CSTF3: variants seen among roughly 807,000 people sequenced by gnomAD.
CSTF3 encodes cleavage stimulation factor subunit 3.
In CSTF3, 29 loss-of-function variants were observed where a neutral mutation model predicts 105.8. The observed-to-expected ratio is 0.27, with a 90% CI of 0.20 to 0.37. The LOEUF (loss-of-function observed/expected upper bound fraction) is 0.37, where lower values mean the gene tolerates loss of function less well. Ranked by LOEUF, CSTF3 falls within the 10% of genes least tolerant of loss-of-function variation. The pLI is 1.00. For missense variants in CSTF3, 357 were observed against 879.3 expected (o/e 0.41, Z 7.51); for synonymous variants, 252 against 281.9 (o/e 0.89, Z 1.06).
intron 15 of CSTF3, among the ~76,000 whole-genome samples, chr11:33,093,613 ATTG>A (rs1855189825): frequency 6.6e-6 from 1 of 152,206 alleles, no homozygotes; most frequent in South Asian, 2.1e-4. Flanking sequence ...AATATGAAAA[ATTG>A]TTAAGATAGT....
At position 33,156,795 on chromosome 11, in the gene CSTF3, C is replaced by T. The variant is rs533501295; in HGVS notation, c.27+4504G>A. 6.4e-4 allele frequency: 279 copies of T among 436,706 alleles called. 2 individuals are homozygous for T. The highest frequency in any genetic ancestry group is 5.3e-3 in the African/African-American group (260 of 48,856). 27.1% of individuals were successfully genotyped at this position (436,706 alleles called of 1,614,324 possible). A position where few individuals can be genotyped will look rare whatever the true frequency, so the allele number is the denominator to read the frequency against. ...CAGCCTGGGAAACACAGTGAGACCT[C>T]GTCTCTACCTAAATAGTAAATAAAT... On this transcript the variant is annotated intron_variant, in intron 1 of 20. Coordinates refer to ENST00000323959, the MANE Select transcript of CSTF3 (RefSeq NM_001326.3).
At chr11:33,160,482 GACTT>G (rs2133814001) in intron 1 of CSTF3, among the ~76,000 whole-genome samples, 1 of 152,254 alleles carries the variant, frequency 6.6e-6, no homozygotes, top group Non-Finnish European at 1.5e-5. Flanking sequence ...AACACACCAG[GACTT>G]AGATCGAAAA....
intron 1 of CSTF3, among the ~76,000 whole-genome samples, chr11:33,153,991 G>C (rs953464198): frequency 1.3e-5 from 2 of 152,070 alleles, no homozygotes; most frequent in African/African-American, 4.8e-5. Context: ...TAAATATATG[G>C]GGGTGGGGAG....
Position 33,159,595 on chromosome 11 carries a change from CAAAA to C in CSTF3, c.27+1700_27+1703del, listed in dbSNP as rs71034656. On this transcript the variant is annotated intron_variant, in intron 1 of 20. Transcript: ENST00000323959. ...TGGGCGACAGAGCAAGGCTCCATCT[CAAAA>C]AAAAAAAAAAAAAAAAAAAAAAAAT... Among the ~76,000 whole-genome samples the C allele has an allele frequency of 5.0e-4, 19 of 37,948 alleles. No homozygotes were observed. The Admixed American group carries it at 6.4e-3, about 13-fold the overall frequency. The allele number at this position is 37,948 out of a possible 152,430, so 24.9% of individuals were successfully genotyped here.
rs1160364098 is a variant in CSTF3, at chr11:33,099,047, G to A, written c.1040C>T (p.Ala347Val). The A allele has an allele frequency of 6.4e-7, 1 of 1,571,456 alleles. No homozygotes were observed. The highest frequency in any genetic ancestry group is 8.5e-7 in the Non-Finnish European group (1 of 1,170,414). The change falls in exon 12 of 21, where the codon GCA becomes GTA. Residue 347 changes from alanine (A) to valine (V), a missense_variant. By Grantham distance (64) the Ala-to-Val change is moderately conservative (BLOSUM62 0). Transcript: ENST00000323959. This position sits in a 1 kb window ranked among gnomAD's most constrained non-coding sequence, Gnocchi z 4.1. Reference sequence around the variant, plus strand: ...ATTTTTACTTACCTCTTCATAATCTGCATATGCAAAATAAAGAAGCATATT... The same window carrying A: ...ATTTTTACTTACCTCTTCATAATCTACATATGCAAAATAAAGAAGCATATT... ...KKNMLLYFAY[A>V]DYEESRMKYE...
chr11:33,087,794 TAG>T (rs1453176657), intron 17 of CSTF3, among the ~76,000 whole-genome samples: 1 of 152,178 alleles, frequency 6.6e-6, no homozygotes, highest in Admixed American at 6.5e-5. Flanking sequence ...TAATAAGAAG[TAG>T]AGAGAGGAGG....
intron 3 of CSTF3, among the ~76,000 whole-genome samples, chr11:33,136,627 CCT>C (rs1222505747): frequency 6.6e-6 from 1 of 151,872 alleles, no homozygotes; most frequent in Admixed American, 6.6e-5. Context: ...ACCTGATTCC[CCT>C]GAGCTCAAGT....
intron 1 of CSTF3, among the ~76,000 whole-genome samples, chr11:33,151,954 C>A (rs1292407230): frequency 2.6e-5 from 4 of 152,160 alleles, no homozygotes; most frequent in Non-Finnish European, 1.5e-5. Context: ...CAAAGTAGAG[C>A]GTCTTTTCAT....
At chr11:33,140,394 T>G (rs1165711031) in intron 3 of CSTF3, among the ~76,000 whole-genome samples, 1 of 151,924 alleles carries the variant, frequency 6.6e-6, no homozygotes, top group Admixed American at 6.6e-5. Context: ...ACAATCTCTC[T>G]CATACATACA....
intron 1 of CSTF3, among the ~76,000 whole-genome samples, chr11:33,156,214 G>A (rs1440262017): frequency 2.0e-5 from 3 of 152,032 alleles, no homozygotes; most frequent in Admixed American, 1.3e-4. Flanking sequence ...AAAAATAGGA[G>A]GCAGAAAACT....
At chr11:33,114,503 T>C (rs1855411825) in intron 3 of CSTF3, among the ~76,000 whole-genome samples, 1 of 152,170 alleles carries the variant, frequency 6.6e-6, no homozygotes, top group Non-Finnish European at 1.5e-5. Context: ...AGTACGCTGT[T>C]TTTAAAATCA....
chr11:33,114,781 G>A (rs1254769599), intron 3 of CSTF3, among the ~76,000 whole-genome samples: 1 of 152,026 alleles, frequency 6.6e-6, no homozygotes, highest in Non-Finnish European at 1.5e-5. Context: ...AACCCGGGAG[G>A]TGGAGGATGC....
At chr11:33,106,811 T>C (rs1855331902) in intron 5 of CSTF3, among the ~76,000 whole-genome samples, 1 of 152,186 alleles carries the variant, frequency 6.6e-6, no homozygotes, top group Non-Finnish European at 1.5e-5. Context: ...ATTCTATACA[T>C]AGCAGATTCA....
intron 1 of CSTF3, chr11:33,156,694 G>A: frequency 2.2e-6 from 1 of 453,836 alleles, no homozygotes; most frequent in South Asian, 1.6e-5. Context: ...GGTGAAATAT[G>A]GCTGGACTCA....
rs1043776666 is a variant in CSTF3, at chr11:33,150,071, G to A, written c.28-8085C>T. Among the ~76,000 whole-genome samples the A allele has an allele frequency of 6.0e-5, 9 of 149,154 alleles. 1 individual carries two copies. Among genetic ancestry groups the A allele is most frequent in the South Asian group, 4.3e-4 (2 of 4,672 alleles). On this transcript the variant is annotated intron_variant, in intron 1 of 20. Transcript: ENST00000323959. ...CAACAACAACAAAACAAAAATTAGCGGGGCGTGGTGGCAGGCCCCTGTAAT... is the reference window on the plus strand; with the variant it reads ...CAACAACAACAAAACAAAAATTAGCAGGGCGTGGTGGCAGGCCCCTGTAAT...
At chr11:33,097,812 G>A (rs984005876) in intron 13 of CSTF3, among the ~76,000 whole-genome samples, 3 of 152,178 alleles carry the variant, frequency 2.0e-5, no homozygotes, top group Non-Finnish European at 4.4e-5. Context: ...TACATCATGA[G>A]TATGCAGTTT....
chr11:33,086,052 C>G, intron 18 of CSTF3, 63 bp from the exon 19 acceptor site: 2 of 1,013,030 alleles, frequency 2.0e-6, no homozygotes, highest in Non-Finnish European at 2.8e-6. Flanking sequence ...GAGCTAAAAT[C>G]AAGTGACTTG....
At chr11:33,128,222 CCT>C (rs1345346718) in intron 3 of CSTF3, among the ~76,000 whole-genome samples, 1 of 151,966 alleles carries the variant, frequency 6.6e-6, no homozygotes, top group East Asian at 1.9e-4. Flanking sequence ...TGTTTTTCCC[CCT>C]CTCAAAAAGT....
chr11:33,157,003 A>C (rs184358703), intron 1 of CSTF3, among the ~76,000 whole-genome samples: 232 of 152,244 alleles, frequency 1.5e-3, no homozygotes, highest in African/African-American at 5.4e-3. Flanking sequence ...AGAGTAGTGC[A>C]CAAGGTTAAA....
Sources: gnomAD v4.1 joint callset for allele counts (sites outside exome capture counted in the v4.1 genomes callset) on GRCh38, gnomAD v4.1.1 for gene constraint, Gnocchi (gnomAD v3.1) non-coding constraint, MANE v1.5 for transcripts, NCBI Gene and HGNC (gene_info 2026-07-23, HGNC 2026-07-21) for gene names.